RAB6A: variants seen among roughly 807,000 people sequenced by gnomAD.
RAB6A encodes the protein RAB6A, member RAS oncogene family.
RAB6A carries 8 observed loss-of-function variants against 32.3 expected under a neutral mutation model. That is an observed-to-expected ratio of 0.25 (90% confidence interval 0.15 to 0.45). The LOEUF (loss-of-function observed/expected upper bound fraction) is 0.45. RAB6A is among the 20% of genes least tolerant of loss of function. RAB6A has a pLI of 1.00. For synonymous variants in RAB6A, 73 were observed against 82.1 expected (o/e 0.89, Z 0.60); for missense variants, 104 against 249.4 (o/e 0.42, Z 3.93).
chr11:73,677,738 A>G lies in RAB6A; in HGVS notation c.*160T>C. ...ACACTGACTTTTGTTGTGCTTGTGA[A>G]GCTAATAGATCATCTCCACGAGACA... On this transcript the variant is annotated 3_prime_UTR_variant, in exon 8 of 8. Transcript: ENST00000336083. The G allele has an allele frequency of 6.8e-7, 1 of 1,470,268 alleles. No individual in the cohort carries two copies. Among genetic ancestry groups the G allele is most frequent in the Non-Finnish European group, 9.1e-7 (1 of 1,094,590 alleles). The allele number at this position is 1,470,268 out of a possible 1,614,324, so 91.1% of individuals were successfully genotyped here.
chr11:73,677,115 G>A lies in RAB6A; in HGVS notation c.*783C>T, dbSNP rs1343495829. On this transcript the variant is annotated 3_prime_UTR_variant, in exon 8 of 8. Coordinates refer to ENST00000336083, the MANE Select transcript of RAB6A (RefSeq NM_198896.2). ...ACTAAAAACCTGTTCTGAAGCACTTGGTTAATTTTCTCTCCCAGAGTCTAA... is the reference window on the plus strand; with the variant it reads ...ACTAAAAACCTGTTCTGAAGCACTTAGTTAATTTTCTCTCCCAGAGTCTAA... 3 of 167,020 alleles carry A rather than the reference G, an allele frequency of 1.8e-5. No individual in the cohort carries two copies. The highest frequency in any genetic ancestry group is 7.2e-5 in the African/African-American group (3 of 41,442). 10.3% of individuals were successfully genotyped at this position (167,020 alleles called of 1,614,324 possible). A position where few individuals can be genotyped will look rare whatever the true frequency, so the allele number is the denominator to read the frequency against.
intron 1 of RAB6A, among the ~76,000 whole-genome samples, chr11:73,748,194 C>G (rs898051101): frequency 3.3e-5 from 5 of 152,148 alleles, no homozygotes; most frequent in African/African-American, 1.2e-4. Flanking sequence ...AAAGGAAGAG[C>G]TGTCACTTCT....
intron 5 of RAB6A, among the ~76,000 whole-genome samples, chr11:73,711,253 C>T (rs991990629): frequency 2.0e-5 from 3 of 152,180 alleles, no homozygotes; most frequent in African/African-American, 7.2e-5. Context: ...ATGCTGAGCT[C>T]CACAGCAGCA....
chr11:73,692,655 A>G (rs951883187), intron 6 of RAB6A, among the ~76,000 whole-genome samples: 1 of 151,708 alleles, frequency 6.6e-6, no homozygotes, highest in Non-Finnish European at 1.5e-5. Context: ...TCAACTTGAT[A>G]ATAAACAAAT....
chr11:73,747,028 C>T (rs1010806389), intron 1 of RAB6A, among the ~76,000 whole-genome samples: 2 of 152,090 alleles, frequency 1.3e-5, no homozygotes, highest in Non-Finnish European at 1.5e-5. Flanking sequence ...CTCCACCTCC[C>T]GGGTTCAAGC....
At chr11:73,709,969 T>A (rs1184666672) in intron 5 of RAB6A, among the ~76,000 whole-genome samples, 1 of 94,694 alleles carries the variant, frequency 1.1e-5, no homozygotes, top group African/African-American at 3.1e-5. Context: ...ATATTTTTTT[T>A]TTTTTTTGAG....
chr11:73,742,939 G>C (rs752587410), intron 1 of RAB6A, among the ~76,000 whole-genome samples: 3 of 152,136 alleles, frequency 2.0e-5, no homozygotes, highest in Non-Finnish European at 4.4e-5. Context: ...GTAAAGCCCT[G>C]ACCTGAAAGG....
intron 1 of RAB6A, among the ~76,000 whole-genome samples, chr11:73,744,790 C>T (rs935759704): frequency 1.1e-4 from 16 of 151,964 alleles, no homozygotes; most frequent in African/African-American, 3.6e-4. Context: ...TCCTGGCCAA[C>T]ATGGTGAAAC....
rs183231830 is a variant in RAB6A, at chr11:73,680,322, T to C, written c.496-602A>G. ...GCAGAAAAAGGACAGATCATTCATT[T>C]AACAAAACTGTATAGTAGCATTCCT... is the stretch of plus-strand genomic sequence containing the variant. On this transcript the variant is annotated intron_variant, in intron 6 of 7. Coordinates refer to ENST00000336083, the MANE Select transcript of RAB6A (RefSeq NM_198896.2). Among the ~76,000 whole-genome samples, 215 of 152,308 alleles carry C rather than the reference T, an allele frequency of 1.4e-3. 2 individuals carry two copies. The highest frequency in any genetic ancestry group is 5.1e-3 in the African/African-American group (211 of 41,558).
chr11:73,707,313 T>C (rs1170314772), intron 6 of RAB6A, 107 bp downstream of exon 6: 1 of 722,098 alleles, frequency 1.4e-6, no homozygotes, highest in African/African-American at 1.8e-5. Flanking sequence ...ACTGCTAGTT[T>C]GTAAGGCCTG....
At chr11:73,685,579 G>A (rs924684604) in intron 6 of RAB6A, among the ~76,000 whole-genome samples, 8 of 7,888 alleles carry the variant, frequency 1.0e-3, no homozygotes, top group East Asian at 0.056. Context: ...GAGCCACCAC[G>A]CCCGGACTGA....
intron 6 of RAB6A, among the ~76,000 whole-genome samples, chr11:73,686,076 TA>T (rs1417606340): frequency 6.6e-6 from 1 of 151,998 alleles, no homozygotes. Flanking sequence ...AAAGGAACTA[TA>T]AAAAACTGGT....
intron 1 of RAB6A, among the ~76,000 whole-genome samples, chr11:73,731,605 T>C (rs72976852): frequency 0.1 from 15,281 of 146,660 alleles, 893 homozygotes; most frequent in South Asian, 0.27. Context: ...CAAAACCAGA[T>C]AGAACTCTCT....
At chr11:73,733,420 G>A (rs550178114) in intron 1 of RAB6A, among the ~76,000 whole-genome samples, 11 of 152,000 alleles carry the variant, frequency 7.2e-5, no homozygotes, top group East Asian at 1.9e-4. Context: ...GTGGTGATGC[G>A]CGCCTGTAAT....
At chr11:73,714,738 C>T (rs7115166) in intron 5 of RAB6A, among the ~76,000 whole-genome samples, 2 of 151,772 alleles carry the variant, frequency 1.3e-5, no homozygotes, top group Non-Finnish European at 1.5e-5. Flanking sequence ...GAGGCTGAGG[C>T]GGGTGGATCA....
intron 6 of RAB6A, among the ~76,000 whole-genome samples, chr11:73,681,932 A>G (rs1001172215): frequency 6.6e-6 from 1 of 152,202 alleles, no homozygotes; most frequent in Admixed American, 6.5e-5. Context: ...TCTTGTTTCT[A>G]TAAGGTTCAG....
At chr11:73,718,332 T>C (rs1946082621) in intron 4 of RAB6A, among the ~76,000 whole-genome samples, 1 of 152,184 alleles carries the variant, frequency 6.6e-6, no homozygotes, top group South Asian at 2.1e-4. Flanking sequence ...ACTATAATTA[T>C]GGTATGGTTT....
At chr11:73,714,384 G>A (rs11235875) in intron 5 of RAB6A, among the ~76,000 whole-genome samples, 15,151 of 151,850 alleles carry the variant, frequency 0.1, 856 homozygotes, top group South Asian at 0.27. Context: ...TGAAGAGGCC[G>A]GGCGCGGTGA....
intron 1 of RAB6A, among the ~76,000 whole-genome samples, chr11:73,734,069 C>T (rs1025673199): frequency 6.6e-6 from 1 of 152,038 alleles, no homozygotes; most frequent in Non-Finnish European, 1.5e-5. Context: ...GGCACTTCAC[C>T]TTGTGAAGTG....
Sources: allele counts gnomAD v4.1 joint callset (sites outside exome capture counted in the v4.1 genomes callset), GRCh38; gene constraint gnomAD v4.1.1; transcripts MANE v1.5; gene names NCBI Gene and HGNC (gene_info 2026-07-23, HGNC 2026-07-21).